The following PCSK6 variants were observed in gnomAD, a reference collection of about 807,000 sequenced individuals.
PCSK6 encodes paired basic amino acid cleaving enzyme 4.
In PCSK6, 85 loss-of-function variants were observed where a neutral mutation model predicts 123.3. The observed-to-expected ratio is 0.69, with a 90% CI of 0.58 to 0.83. The LOEUF (loss-of-function observed/expected upper bound fraction) is 0.83, where lower values mean the gene tolerates loss of function less well. Ranked by LOEUF, PCSK6 falls within the 40% of genes least tolerant of loss-of-function variation. The pLI is 0.00. For synonymous variants in PCSK6, 508 were observed against 516.0 expected, an observed-to-expected ratio of 0.98 and a Z score of 0.21; for missense variants, 1,191 against 1,282.3, an observed-to-expected ratio of 0.93 and a Z score of 1.09.
chr15:101,340,655 T>C (rs1043951697), intron 13 of PCSK6, among the ~76,000 whole-genome samples: 1 of 152,210 alleles, frequency 6.6e-6, no homozygotes, highest in African/African-American at 2.4e-5. Flanking sequence ...AATACTCATA[T>C]GCTATGTCCT....
rs775864801 is a variant in PCSK6, at chr15:101,398,441, C to T, written c.959G>A (p.Arg320Gln). 1.4e-5 allele frequency: 22 copies of T among 1,613,182 alleles called. No homozygotes were observed. Among genetic ancestry groups the T allele is most frequent in the Admixed American group, 6.7e-5 (4 of 59,960 alleles). ...ATACTCGAAAGCCTGCTTAGCCAGT[C>T]GGCCGGGCCCGTCCACCGTCTTGCC... ...DDGKTVDGPGRLAKQAFEYGI... is the reference protein window; with the variant it reads ...DDGKTVDGPGQLAKQAFEYGI... The change falls in exon 7 of 22, where the codon CGA becomes CAA. Residue 320 changes from arginine to glutamine, a missense_variant. Physicochemically the swap from Arg to Gln is conservative, Grantham distance 43. Transcript: ENST00000611716. The surrounding 1 kb of genome is among the most constrained non-coding windows in gnomAD (Gnocchi z 4.6).
intron 13 of PCSK6, among the ~76,000 whole-genome samples, chr15:101,349,625 G>A (rs1339591707): frequency 6.6e-6 from 1 of 152,152 alleles, no homozygotes; most frequent in Non-Finnish European, 1.5e-5. Context: ...CTGGGCTTCT[G>A]TGACAACCTA....
At chr15:101,406,910 T>G (rs72770800) in intron 6 of PCSK6, among the ~76,000 whole-genome samples, 1 of 152,156 alleles carries the variant, frequency 6.6e-6, no homozygotes, top group Admixed American at 6.5e-5. Context: ...ATGTCCTGCA[T>G]GCAGCCCTGG....
At chr15:101,402,804 C>A (rs2042631176) in intron 6 of PCSK6, among the ~76,000 whole-genome samples, 1 of 152,092 alleles carries the variant, frequency 6.6e-6, no homozygotes, top group South Asian at 2.1e-4. Flanking sequence ...GAAATAGGAA[C>A]ACTTTTACAC....
intron 1 of PCSK6, among the ~76,000 whole-genome samples, chr15:101,458,926 C>T (rs2057263220): frequency 6.6e-6 from 1 of 152,152 alleles, no homozygotes; most frequent in African/African-American, 2.4e-5. Context: ...TTAACCACCC[C>T]GACATCCCGC....
chr15:101,409,775 C>T (rs1273503023), intron 6 of PCSK6, among the ~76,000 whole-genome samples: 1 of 152,142 alleles, frequency 6.6e-6, no homozygotes, highest in Non-Finnish European at 1.5e-5. Flanking sequence ...GCAAGCCTCC[C>T]TGAGAGAGCA....
intron 6 of PCSK6, among the ~76,000 whole-genome samples, chr15:101,405,995 G>A (rs769580549): frequency 6.6e-6 from 1 of 152,104 alleles, no homozygotes; most frequent in Non-Finnish European, 1.5e-5. Context: ...TGCCCACCTC[G>A]GCCTCCCAAA....
chr15:101,315,896 G>A (rs963359222), intron 19 of PCSK6, among the ~76,000 whole-genome samples: 3 of 152,240 alleles, frequency 2.0e-5, no homozygotes, highest in Non-Finnish European at 4.4e-5. Flanking sequence ...AGGATGAGAG[G>A]CTCATCTCGA....
intron 6 of PCSK6, among the ~76,000 whole-genome samples, chr15:101,415,850 A>G (rs1285833754): frequency 1.3e-5 from 2 of 152,192 alleles, no homozygotes. Context: ...ACCATATAAG[A>G]AGTGGCTTTC....
intron 16 of PCSK6, 38 bp downstream of exon 16, chr15:101,326,339 C>G: frequency 6.6e-7 from 1 of 1,507,466 alleles, no homozygotes; most frequent in Non-Finnish European, 9.0e-7. Flanking sequence ...TGGAAAGTCA[C>G]TGAGTGGTGA....
intron 13 of PCSK6, among the ~76,000 whole-genome samples, chr15:101,334,943 A>ATGTGTGTG (rs756567362): frequency 6.6e-6 from 1 of 151,420 alleles, no homozygotes; most frequent in Admixed American, 6.6e-5. Flanking sequence ...GTTTGACTTT[A>ATGTGTGTG]TGTGTGTGTG....
In PCSK6 at chr15:101,446,484, A is replaced by G. The variant is rs548244338; in HGVS notation, c.298-2824T>C. On this transcript the variant is annotated intron_variant, in intron 1 of 21. Coordinates refer to ENST00000611716, the MANE Select transcript of PCSK6 (RefSeq NM_002570.5). ...ATATCTGCTCGTGTCCCTGCTTTCA[A>G]TTCTTTTGGGTATATATCCACCTAC... 9.9e-5 allele frequency among the ~76,000 whole-genome samples: 15 copies of G among 152,270 alleles called. No homozygotes were observed. In the East Asian group the frequency reaches 2.7e-3, roughly 27 times the overall value.
intron 6 of PCSK6, among the ~76,000 whole-genome samples, chr15:101,399,789 C>A (rs1444200458): frequency 6.6e-6 from 1 of 152,010 alleles, no homozygotes; most frequent in Admixed American, 6.6e-5. Context: ...GGTCAACTCT[C>A]TTCATGGCCA....
intron 2 of PCSK6, among the ~76,000 whole-genome samples, chr15:101,441,706 G>C (rs1390079252): frequency 6.6e-6 from 1 of 152,134 alleles, no homozygotes; most frequent in Non-Finnish European, 1.5e-5. Flanking sequence ...AGAAATCCAC[G>C]GTCCCCGTCT....
chr15:101,369,697 A>G (rs933681377), intron 12 of PCSK6, among the ~76,000 whole-genome samples: 1 of 152,228 alleles, frequency 6.6e-6, no homozygotes, highest in Non-Finnish European at 1.5e-5. Context: ...ATTTGCATCA[A>G]TGTATTTCCC....
In PCSK6 at chr15:101,331,776, C is replaced by T. The variant is rs73493322; in HGVS notation, c.2038+76G>A. The T allele has an allele frequency of 3.5e-3, 5,567 of 1,598,344 alleles. 168 individuals carry two copies. The African/African-American group carries it at 0.06, about 17-fold the overall frequency. ...CAGCCCCACCTTTGCCAGGAGCAGC[C>T]CTACATTTTAAGAGCTACTCTGGAC... On this transcript the variant is annotated intron_variant, in intron 14 of 21. Transcript: ENST00000611716.
chr15:101,326,470 TG>T lies in PCSK6; in HGVS notation c.2086del (p.His696IlefsTer18). On this transcript the variant is annotated frameshift_variant, in exon 16 of 22. Coordinates refer to ENST00000611716, the MANE Select transcript of PCSK6 (RefSeq NM_002570.5). LOFTEE classifies it high-confidence loss of function. ...SANILQTSVCHPECGDKGCDG... is the reference protein window; with the variant it reads ...SANILQTSVCXPECGDKGCDG... ...ACAGCCTTTGTCACCACACTCCGGA[TG>T]GCACACACCTTAAAGAAACAAGCAT... 1 of 1,579,136 alleles carries T rather than the reference TG, an allele frequency of 6.3e-7. No individual in the cohort carries two copies. Among genetic ancestry groups the T allele is most frequent in the Admixed American group, 1.8e-5 (1 of 55,030 alleles).
chr15:101,379,505 C>T (rs888320637), intron 11 of PCSK6, among the ~76,000 whole-genome samples: 11 of 152,166 alleles, frequency 7.2e-5, no homozygotes, highest in South Asian at 2.1e-4. Context: ...CGGATGCACA[C>T]GAGAGGGGTG....
chr15:101,306,269 G>T (rs1374712269), intron 21 of PCSK6, among the ~76,000 whole-genome samples: 1 of 152,114 alleles, frequency 6.6e-6, no homozygotes. Context: ...TTTTGGGCTA[G>T]ATACATAACC....
Sources: allele counts gnomAD v4.1 joint callset (sites outside exome capture counted in the v4.1 genomes callset), GRCh38; gene constraint gnomAD v4.1.1; non-coding constraint Gnocchi (gnomAD v3.1); transcripts MANE v1.5; gene names NCBI Gene and HGNC (gene_info 2026-07-23, HGNC 2026-07-21).